Variants in NBPF12 observed in about 807,000 individuals in gnomAD.
The protein encoded by NBPF12 is NBPF family member NBPF12.
In NBPF12, 115 loss-of-function variants were observed where a neutral mutation model predicts 146.4. That is an observed-to-expected ratio of 0.79 (90% CI 0.68 to 0.92). The LOEUF (loss-of-function observed/expected upper bound fraction) is 0.92. Among genes scored for constraint, NBPF12 ranks in the 40% least tolerant of loss-of-function variants. NBPF12 has a pLI of 0.00. For synonymous variants in NBPF12, 385 were observed against 508.9 expected, an observed-to-expected ratio of 0.76 and a Z score of 3.28; for missense variants, 1,205 against 1,326.8, an observed-to-expected ratio of 0.91 and a Z score of 1.43.
intron 1 of NBPF12, among the ~76,000 whole-genome samples, chr1:146,940,046 CCTTT>C (rs1654725749): frequency 6.6e-6 from 1 of 151,720 alleles, no homozygotes; most frequent in Non-Finnish European, 1.5e-5. Context: ...TGTTGTTCAT[CCTTT>C]CTTTGCCGAA....
chr1:146,945,618 T>TA (rs1432492312), upstream of NBPF12, among the ~76,000 whole-genome samples: 2 of 149,760 alleles, frequency 1.3e-5, no homozygotes, highest in African/African-American at 4.9e-5. Flanking sequence ...GCATCCTAAT[T>TA]AAAAAAAAGT....
chr1:146,984,506 G>C (rs1220713848), intron 21 of NBPF12, among the ~76,000 whole-genome samples: 5 of 150,558 alleles, frequency 3.3e-5, no homozygotes, highest in Non-Finnish European at 7.4e-5. Context: ...TGTGTGTCCT[G>C]AGAGCACAAA....
upstream of NBPF12, among the ~76,000 whole-genome samples, chr1:146,944,842 C>A (rs1422161639): frequency 2.0e-5 from 3 of 150,650 alleles, no homozygotes; most frequent in Admixed American, 6.6e-5. Context: ...CTCCCACTCT[C>A]TTTCTCTCTC....
Position 146,964,608 on chromosome 1 carries a change from A to T in NBPF12, c.566+179A>T, listed in dbSNP as rs1462860717. 4.6e-5 allele frequency among the ~76,000 whole-genome samples: 7 copies of T among 151,898 alleles called. 1 individual carries two copies. Among genetic ancestry groups the T allele is most frequent in the African/African-American group, 7.3e-5 (3 of 41,180 alleles). ...GCTGTCATGTTTCTCTATGTGTGCC[A>T]AGTGTCATGTCTGTACCATACAGGG... is the stretch of plus-strand genomic sequence containing the variant. On this transcript the variant is annotated intron_variant, in intron 7 of 33. Coordinates refer to ENST00000617844, the Ensembl canonical transcript of NBPF12.
At position 146,981,314 on chromosome 1, in the gene NBPF12, T is replaced by TACAC. The variant is rs1553887979; in HGVS notation, c.2451-1611_2451-1610insCACA. The stretch of plus-strand genomic sequence containing the variant: ...AAAAAAATATATATATATATATATA[T>TACAC]ACATACACACAAAAAATAATAAAGG... On this transcript the variant is annotated intron_variant, in intron 19 of 33. Transcript: ENST00000617844. Among the ~76,000 whole-genome samples, 7 of 127,832 alleles carry TACAC rather than the reference T, an allele frequency of 5.5e-5. No homozygotes were observed. The South Asian group carries it at 1.3e-3, about 25-fold the overall frequency. The allele number at this position is 127,832 out of a possible 152,430, so 83.9% of individuals were successfully genotyped here.
chr1:146,953,600 T>C (rs1655419659), intron 2 of NBPF12, among the ~76,000 whole-genome samples: 1 of 144,638 alleles, frequency 6.9e-6, no homozygotes, highest in Non-Finnish European at 1.5e-5. Context: ...GTAAAAGCAT[T>C]TGGCAAAATT....
Position 146,964,196 on chromosome 1 carries a change from C to G in NBPF12, c.494-161C>G, listed in dbSNP as rs1553885215. On this transcript the variant is annotated intron_variant, in intron 6 of 33. Transcript: ENST00000617844. ...CATCAGAAATGCATTGCCTGATGGA[C>G]CAGGAAACCATGCCAGAGCATTTTG... 4.7e-3 allele frequency among the ~76,000 whole-genome samples: 712 copies of G among 150,110 alleles called. 20 individuals carry two copies. The highest frequency in any genetic ancestry group is 0.016 in the African/African-American group (645 of 40,340).
chr1:146,996,168 G>A (rs1248373899), downstream of NBPF12: 2 of 127,336 alleles, frequency 1.6e-5, no homozygotes, highest in Non-Finnish European at 3.2e-5. Flanking sequence ...GGTGGGTACT[G>A]ATGTGAATTA....
At chr1:146,939,359 G>A (rs1654690493) in intron 1 of NBPF12, among the ~76,000 whole-genome samples, 1 of 152,048 alleles carries the variant, frequency 6.6e-6, no homozygotes, top group South Asian at 2.1e-4. Context: ...AAGAGCGCTC[G>A]CGCCCCTGAC....
At chr1:146,973,617 A>G (rs1245187246) in intron 14 of NBPF12, among the ~76,000 whole-genome samples, 1 of 149,172 alleles carries the variant, frequency 6.7e-6, no homozygotes, top group African/African-American at 2.5e-5. Flanking sequence ...GAGAAACCCC[A>G]TCTCCACTAA....
chr1:146,971,942 G>T (rs1308071448), intron 13 of NBPF12, among the ~76,000 whole-genome samples: 7 of 143,312 alleles, frequency 4.9e-5, no homozygotes, highest in Non-Finnish European at 9.0e-5. Context: ...AAAAAAATTA[G>T]CTGGGCGCGG....
Position 146,994,536 on chromosome 1 carries a change from C to G in NBPF12, c.4335C>G (p.Leu1445=), listed in dbSNP as rs782019651. Residue 1445 remains leucine (L), a synonymous_variant, in exon 34 of 34, where the codon CTC becomes CTG. Transcript: ENST00000617844. ...TTTTTACTTTGACGGTGACAAGTCTCCACCTGGTCTTCCAGATGGGAGTCA... is the reference window on the plus strand; with the variant it reads ...TTTTTACTTTGACGGTGACAAGTCTGCACCTGGTCTTCCAGATGGGAGTCA... The G allele has an allele frequency of 5.3e-5, 86 of 1,609,562 alleles. 4 individuals carry two copies. The South Asian group carries it at 9.1e-4, about 17-fold the overall frequency.
At chr1:146,968,809 A>C (rs1450022065) in intron 10 of NBPF12, among the ~76,000 whole-genome samples, 1 of 151,600 alleles carries the variant, frequency 6.6e-6, no homozygotes, top group Non-Finnish European at 1.5e-5. Context: ...ACACAAAATT[A>C]ACCAAAGGAG....
intron 31 of NBPF12, among the ~76,000 whole-genome samples, chr1:146,992,466 G>GTT (rs2101934495): frequency 2.3e-5 from 1 of 42,988 alleles, no homozygotes; most frequent in African/African-American, 1.0e-4. Context: ...CTCTCTCTGT[G>GTT]TGTGTGTGTG....
chr1:146,953,419 G>A (rs1210573282), intron 2 of NBPF12, among the ~76,000 whole-genome samples: 1 of 135,796 alleles, frequency 7.4e-6, no homozygotes, highest in Non-Finnish European at 1.5e-5. Flanking sequence ...TTGGGGAAGA[G>A]TGAAGCCTTC....
chr1:146,984,891 A>G (rs1399531829), exon 22 of NBPF12: 14 of 1,595,412 alleles, frequency 8.8e-6, no homozygotes, highest in African/African-American at 1.4e-5. Context: ...CAACTCCTTC[A>G]GTTTATCTTG....
upstream of NBPF12, among the ~76,000 whole-genome samples, chr1:146,945,613 C>A (rs1270359086): frequency 3.3e-5 from 5 of 149,742 alleles, no homozygotes; most frequent in African/African-American, 4.9e-5. Flanking sequence ...CTGCTGCATC[C>A]TAATTAAAAA....
chr1:146,992,472 G>C (rs1221502693), intron 31 of NBPF12, among the ~76,000 whole-genome samples: 118 of 103,062 alleles, frequency 1.1e-3, no homozygotes, highest in Middle Eastern at 9.0e-3. Flanking sequence ...CTGTGTGTGT[G>C]TGTGTGTGTG....
chr1:146,961,958 C>G (rs1291162880), intron 4 of NBPF12, among the ~76,000 whole-genome samples: 1 of 152,224 alleles, frequency 6.6e-6, no homozygotes, highest in South Asian at 2.1e-4. Context: ...TCTTGAGTTT[C>G]TCTTTCTTCG....
Sources: allele counts gnomAD v4.1 joint callset (sites outside exome capture counted in the v4.1 genomes callset), GRCh38; gene constraint gnomAD v4.1.1; transcripts MANE v1.5; gene names NCBI Gene and HGNC (gene_info 2026-07-23, HGNC 2026-07-21).